Variants in TPRN observed in about 807,000 individuals in gnomAD.
TPRN encodes the protein taperin.
A neutral mutation model predicts 42.6 loss-of-function variants in TPRN; 32 were observed. That is an observed-to-expected ratio of 0.75 (90% CI 0.57 to 1.01). TPRN has a LOEUF of 1.01. Ranked by LOEUF, TPRN falls within the 50% of genes least tolerant of loss-of-function variation. The pLI, the probability that TPRN is intolerant of heterozygous loss-of-function variation, is 0.00. For missense variants in TPRN, 1,095 were observed against 957.5 expected (o/e 1.14, Z -1.90); for synonymous variants, 541 against 445.6 (o/e 1.21, Z -2.70).
intron 1 of TPRN, chr9:137,194,575 T>C (rs1471281970): frequency 6.6e-6 from 1 of 152,202 alleles, no homozygotes; most frequent in Non-Finnish European, 1.5e-5. Context: ...CTCGTGCACA[T>C]GACCGGTCCC....
chr9:137,195,712 G>A (rs1224362313), intron 1 of TPRN, among the ~76,000 whole-genome samples: 1 of 152,198 alleles, frequency 6.6e-6, no homozygotes, highest in Non-Finnish European at 1.5e-5. Flanking sequence ...AGAGCCAAGA[G>A]GGGAGGAGGG....
At position 137,199,742 on chromosome 9, in the gene TPRN, G is replaced by A. The variant is rs200016367; in HGVS notation, c.970C>T (p.Arg324Cys). ...DLQARALASL[R>C]ANSRNSFMVI... ...ATGAAAGAATTTCGAGAGTTTGCGCGGAGGCTGGCCAGCGCCCGGGCCTGG... is the reference window on the plus strand; with the variant it reads ...ATGAAAGAATTTCGAGAGTTTGCGCAGAGGCTGGCCAGCGCCCGGGCCTGG... Residue 324 changes from arginine to cysteine, a missense_variant, in exon 1 of 4, where the codon CGC becomes TGC. Transcript: ENST00000409012. The A allele has an allele frequency of 1.7e-5, 27 of 1,611,910 alleles. No homozygotes were observed. Among genetic ancestry groups the A allele is most frequent in the Non-Finnish European group, 2.1e-5 (25 of 1,179,670 alleles).
chr9:137,198,183 C>T (rs1056370824), intron 1 of TPRN, among the ~76,000 whole-genome samples: 1 of 152,218 alleles, frequency 6.6e-6, no homozygotes, highest in African/African-American at 2.4e-5. Context: ...ACACCTGCTT[C>T]CTGACAGGTC....
chr9:137,198,514 G>A (rs1232809981), intron 1 of TPRN, among the ~76,000 whole-genome samples: 1 of 152,228 alleles, frequency 6.6e-6, no homozygotes. Flanking sequence ...GTGATGCGAG[G>A]ATCCAGCCAA....
Position 137,192,191 on chromosome 9 carries a change from A to C in TPRN, c.2074-17T>G. On this transcript the variant is annotated splice_polypyrimidine_tract_variant and intron_variant, in intron 3 of 3. Coordinates refer to ENST00000409012, the MANE Select transcript of TPRN (RefSeq NM_001128228.3). Reference sequence around the variant, plus strand: ...GGGTGTGAGCTGAAAGTGAGAGGACAGAATGTGGACACATGGGCTCGCCCG... The same window carrying C: ...GGGTGTGAGCTGAAAGTGAGAGGACCGAATGTGGACACATGGGCTCGCCCG... 6.2e-7 allele frequency: 1 copy of C among 1,613,502 alleles called. No homozygotes were observed. Among genetic ancestry groups the C allele is most frequent in the Admixed American group, 1.7e-5 (1 of 60,034 alleles).
rs757165154 is a variant in TPRN at position 137,199,723 on chromosome 9, G to T, written c.989C>A (p.Ser330Tyr). 2.5e-6 allele frequency: 4 copies of T among 1,611,956 alleles called. No homozygotes were observed. In the East Asian group the frequency reaches 8.9e-5, roughly 36 times the overall value. The change falls in exon 1 of 4, where the codon TCT (serine) becomes TAT (tyrosine). Residue 330 changes from serine to tyrosine, a missense_variant. By Grantham distance (144) the Ser-to-Tyr change is moderately radical (BLOSUM62 -2). Transcript: ENST00000409012. ...CTTGCTCTTGGGGATGACCATGAAA[G>T]AATTTCGAGAGTTTGCGCGGAGGCT... ...LASLRANSRNSFMVIPKSKAS... is the reference protein window; with the variant it reads ...LASLRANSRNYFMVIPKSKAS...
At position 137,200,188 on chromosome 9, in the gene TPRN, CTGGGGGCCGCGGGCGGGG is replaced by C. The variant is rs974551844; in HGVS notation, c.506_523del (p.Pro169_Ser175delinsArg). 1 of 983,702 alleles carries C rather than the reference CTGGGGGCCGCGGGCGGGG, an allele frequency of 1.0e-6. No individual in the cohort carries two copies. Among genetic ancestry groups the C allele is most frequent in the Non-Finnish European group, 1.2e-6 (1 of 830,582 alleles). The allele number at this position is 983,702 out of a possible 1,614,324, so 60.9% of individuals were successfully genotyped here. ...GCGGGGCCCGGGCGCGGCGGGCGGG[CTGGGGGCCGCGGGCGGGG>C]GCCGGGGCGGCGCGGGCGGCGGCGG... On this transcript the variant is annotated inframe_deletion, in exon 1 of 4. Coordinates refer to ENST00000409012, the MANE Select transcript of TPRN (RefSeq NM_001128228.3). The surrounding 1 kb of genome is among the most constrained non-coding windows in gnomAD (Gnocchi z 4.3).
chr9:137,200,589 CGCCCCGG>C lies in TPRN; in HGVS notation c.116_122del (p.Pro39ArgfsTer409). ...CCAGCACCCGCTGCTCGGGCTCCGC[CGCCCCGG>C]GCCCCGCGCCCCCGCCCAGCGCGGC... On this transcript the variant is annotated frameshift_variant, in exon 1 of 4. Coordinates refer to ENST00000409012, the MANE Select transcript of TPRN (RefSeq NM_001128228.3). LOFTEE classifies it high-confidence loss of function. The surrounding 1 kb of genome is among the most constrained non-coding windows in gnomAD (Gnocchi z 4.3). 8.7e-7 allele frequency: 1 copy of C among 1,153,214 alleles called. No individual in the cohort carries two copies. Among genetic ancestry groups the C allele is most frequent in the East Asian group, 4.4e-5 (1 of 22,628 alleles). 71.4% of individuals were successfully genotyped at this position (1,153,214 alleles called of 1,614,324 possible). A position where few individuals can be genotyped will look rare whatever the true frequency, so the allele number is the denominator to read the frequency against.
At position 137,192,749 on chromosome 9, in the gene TPRN, A is replaced by C. The variant is rs905080647; in HGVS notation, c.1726-58T>G. The C allele has an allele frequency of 1.4e-5, 23 of 1,587,562 alleles. No homozygotes were observed. In the East Asian group the frequency reaches 1.8e-4, roughly 12 times the overall value. ...GGGCCCACATGGGCACAGTGATGCC[A>C]GGGGCTCAGGTTCAGCCCTCAGGAT... On this transcript the variant is annotated intron_variant, in intron 1 of 3. Coordinates refer to ENST00000409012, the MANE Select transcript of TPRN (RefSeq NM_001128228.3).
Position 137,199,452 on chromosome 9 carries a change from G to A in TPRN, c.1260C>T (p.Pro420=), listed in dbSNP as rs775715088. ...AIRWQRPSSP[P]PFLPAASEEA... Reference sequence around the variant, plus strand: ...CTTCCGAAGCAGCCGGCAGGAAGGGGGGCGGTGAGGACGGCCTCTGCCACC... The same window carrying A: ...CTTCCGAAGCAGCCGGCAGGAAGGGAGGCGGTGAGGACGGCCTCTGCCACC... The change falls in exon 1 of 4, where the codon CCC becomes CCT. Residue 420 remains proline, a synonymous_variant. Transcript: ENST00000409012. The A allele has an allele frequency of 5.6e-6, 9 of 1,606,986 alleles. No homozygotes were observed. In the South Asian group the frequency reaches 8.9e-5, roughly 16 times the overall value.
Position 137,199,666 on chromosome 9 carries a change from T to C in TPRN, c.1046A>G (p.Gln349Arg), listed in dbSNP as rs2131354264. Residue 349 changes from glutamine to arginine, a missense_variant, in exon 1 of 4, where the codon CAG becomes CGG. Coordinates refer to ENST00000409012, the MANE Select transcript of TPRN (RefSeq NM_001128228.3). ...GTCTCCCTTTGGCAGCTCCACGGACTGCCTCCCCTCAGGAGGAGGAGCCCC... is the reference window on the plus strand; with the variant it reads ...GTCTCCCTTTGGCAGCTCCACGGACCGCCTCCCCTCAGGAGGAGGAGCCCC... ...ASGAPPPEGRQSVELPKGDLG... is the reference protein window; with the variant it reads ...ASGAPPPEGRRSVELPKGDLG... 6.3e-7 allele frequency: 1 copy of C among 1,593,662 alleles called. No homozygotes were observed. The highest frequency in any genetic ancestry group is 1.3e-5 in the African/African-American group (1 of 74,710).
chr9:137,193,135 A>G (rs982748648), intron 1 of TPRN: 4 of 193,268 alleles, frequency 2.1e-5, no homozygotes, highest in Non-Finnish European at 3.2e-5. Flanking sequence ...CTTGCACTCT[A>G]GGCTCCAGGC....
At chr9:137,196,296 C>T (rs1325096428) in intron 1 of TPRN, among the ~76,000 whole-genome samples, 1 of 152,216 alleles carries the variant, frequency 6.6e-6, no homozygotes, top group Non-Finnish European at 1.5e-5. Flanking sequence ...TGGTCCCAAC[C>T]AAAGGCTGGG....
At chr9:137,196,166 A>G (rs966642984) in intron 1 of TPRN, among the ~76,000 whole-genome samples, 1 of 152,120 alleles carries the variant, frequency 6.6e-6, no homozygotes, top group Non-Finnish European at 1.5e-5. Flanking sequence ...CCCCAGGAAA[A>G]GCAGCAGCAC....
At position 137,200,210 on chromosome 9, in the gene TPRN, G is replaced by C. The variant is rs1313218015; in HGVS notation, c.502C>G (p.Arg168Gly). The C allele has an allele frequency of 3.2e-6, 3 of 951,954 alleles. No homozygotes were observed. The highest frequency in any genetic ancestry group is 3.7e-6 in the Non-Finnish European group (3 of 804,108). 59.0% of individuals were successfully genotyped at this position (951,954 alleles called of 1,614,324 possible). The change falls in exon 1 of 4, where the codon CGG becomes GGG. Residue 168 changes from arginine (R) to glycine (G), a missense_variant. Physicochemically the swap from Arg to Gly is moderately radical, Grantham distance 125. Coordinates refer to ENST00000409012, the MANE Select transcript of TPRN (RefSeq NM_001128228.3). This position sits in a 1 kb window ranked among gnomAD's most constrained non-coding sequence, Gnocchi z 4.3. ...GGGCTGGGGGCCGCGGGCGGGGGCC[G>C]GGGCGGCGCGGGCGGCGGCGGCGGC... ...PPPPPPPAPP[R>G]PPPAAPSPPA...
In TPRN at chr9:137,200,038, T is replaced by G. The variant is rs1339413269; in HGVS notation, c.674A>C (p.His225Pro). The change falls in exon 1 of 4, where the codon CAC (histidine) becomes CCC (proline). Residue 225 changes from histidine (H) to proline (P), a missense_variant. Physicochemically the swap from His to Pro is moderately conservative, Grantham distance 77 (BLOSUM62 -2). Coordinates refer to ENST00000409012, the MANE Select transcript of TPRN (RefSeq NM_001128228.3). This position sits in a 1 kb window ranked among gnomAD's most constrained non-coding sequence, Gnocchi z 4.3. ...GAGARLLSNG[H>P]SAPEPRAGPA... The stretch of plus-strand genomic sequence containing the variant: ...GCCGGCCCGGGGCTCAGGGGCCGAG[T>G]GCCCGTTGGAGAGCAGGCGGGCGCC... 3.5e-6 allele frequency: 5 copies of G among 1,439,362 alleles called. No homozygotes were observed. The highest frequency in any genetic ancestry group is 4.5e-4 in the Middle Eastern group (2 of 4,418). 89.2% of individuals were successfully genotyped at this position (1,439,362 alleles called of 1,614,324 possible).
Position 137,192,065 on chromosome 9 carries a change from C to T in TPRN, c.*47G>A, listed in dbSNP as rs763209726. 164 of 1,604,282 alleles carry T rather than the reference C, an allele frequency of 1.0e-4. 2 individuals are homozygous for T. Among genetic ancestry groups the T allele is most frequent in the Admixed American group, 4.0e-4 (24 of 59,964 alleles). On this transcript the variant is annotated 3_prime_UTR_variant, in exon 4 of 4. Coordinates refer to ENST00000409012, the MANE Select transcript of TPRN (RefSeq NM_001128228.3). ...TAGTCCCTGGCTACTGCCCAGCTTC[C>T]GGGACTCCCACAGCTGGGCTCAGCC...
At position 137,199,685 on chromosome 9, in the gene TPRN, G is replaced by A; in HGVS notation, c.1027C>T (p.Pro343Ser). The A allele has an allele frequency of 2.5e-6, 4 of 1,604,644 alleles. No homozygotes were observed. Among genetic ancestry groups the A allele is most frequent in the East Asian group, 2.2e-5 (1 of 44,588 alleles). ...ACGGACTGCCTCCCCTCAGGAGGAG[G>A]AGCCCCGGAGGCCTTGCTCTTGGGG... ...VIPKSKASGA[P>S]PPEGRQSVEL... Residue 343 changes from proline (P) to serine (S), a missense_variant, in exon 1 of 4, where the codon CCT becomes TCT. By Grantham distance (74) the Pro-to-Ser change is moderately conservative. Coordinates refer to ENST00000409012, the MANE Select transcript of TPRN (RefSeq NM_001128228.3).
At chr9:137,193,936 C>G (rs531504642) in intron 1 of TPRN, 1 of 152,346 alleles carries the variant, frequency 6.6e-6, no homozygotes, top group African/African-American at 2.4e-5. Flanking sequence ...AGCGGCCACA[C>G]GGCCCACACA....
Sources: allele counts gnomAD v4.1 joint callset (sites outside exome capture counted in the v4.1 genomes callset), GRCh38; gene constraint gnomAD v4.1.1; non-coding constraint Gnocchi (gnomAD v3.1); transcripts MANE v1.5; gene names NCBI Gene and HGNC (gene_info 2026-07-23, HGNC 2026-07-21).